The following PLEKHB2 variants were observed in gnomAD, a reference collection of about 807,000 sequenced individuals.
PLEKHB2 encodes pleckstrin homology domain containing B2, also known as pleckstrin homology domain-containing family B member 2.
In PLEKHB2, 31 loss-of-function variants were observed where a neutral mutation model predicts 36.5. That is an observed-to-expected ratio of 0.85 (90% CI 0.64 to 1.15). The LOEUF (loss-of-function observed/expected upper bound fraction) is 1.15. Ranked by LOEUF, PLEKHB2 falls within the 50% of genes most tolerant of loss-of-function variation. PLEKHB2 has a pLI of 0.00. For synonymous variants in PLEKHB2, 119 were observed against 112.0 expected, an observed-to-expected ratio of 1.06 and a Z score of -0.39; for missense variants, 262 against 295.3, an observed-to-expected ratio of 0.89 and a Z score of 0.83.
chr2:131,116,330 T>C lies in PLEKHB2; in HGVS notation c.-8-4604T>C, dbSNP rs192345194. Among the ~76,000 whole-genome samples, 61 of 152,330 alleles carry C rather than the reference T, an allele frequency of 4.0e-4. No individual in the cohort carries two copies. In the East Asian group the frequency reaches 7.5e-3, roughly 19 times the overall value. On this transcript the variant is annotated intron_variant, in intron 1 of 7. Coordinates refer to ENST00000693505, the MANE Select transcript of PLEKHB2 (RefSeq NM_001100623.2). ...CCTGAAAAGTAAGAGAAACCCAGGC[T>C]AACCTCAAGGAAACACCAGAGAAAA...
chr2:131,130,906 C>T (rs1697608596), intron 5 of PLEKHB2, 146 bp downstream of exon 5: 2 of 638,220 alleles, frequency 3.1e-6, no homozygotes, highest in Non-Finnish European at 5.5e-6. Flanking sequence ...TCAGCCTCCC[C>T]TTCCCAGTAG....
intron 2 of PLEKHB2, among the ~76,000 whole-genome samples, chr2:131,121,334 C>T (rs1397299507): frequency 2.6e-5 from 4 of 152,172 alleles, no homozygotes; most frequent in Non-Finnish European, 5.9e-5. Flanking sequence ...CCGCAGCCTC[C>T]GCTTCCTGGG....
At chr2:131,116,770 C>A (rs1257724108) in intron 1 of PLEKHB2, among the ~76,000 whole-genome samples, 1 of 152,174 alleles carries the variant, frequency 6.6e-6, no homozygotes, top group Non-Finnish European at 1.5e-5. Flanking sequence ...ACAATTAGTA[C>A]ATAATACTCC....
rs1696780168 is a variant in PLEKHB2, at chr2:131,123,766, A to ACTCCCCC, written c.38-1986_38-1985insTCCCCCC. Among the ~76,000 whole-genome samples, 16 of 11,530 alleles carry ACTCCCCC rather than the reference A, an allele frequency of 1.4e-3. 1 individual carries two copies. The highest frequency in any genetic ancestry group is 4.5e-3 in the African/African-American group (14 of 3,120). 7.6% of individuals were successfully genotyped at this position (11,530 alleles called of 152,430 possible). A position where few individuals can be genotyped will look rare whatever the true frequency, so the allele number is the denominator to read the frequency against. On this transcript the variant is annotated intron_variant, in intron 2 of 7. Transcript: ENST00000693505. ...TCTTGAACTTCTGACCTCCTGGTCC[A>ACTCCCCC]CCCCCCCCACCCCCCCCCCCGCCCC...
At chr2:131,125,928 A>T in intron 3 of PLEKHB2, 23 bp downstream of exon 3, 2 of 1,606,668 alleles carry the variant, frequency 1.2e-6, no homozygotes, top group African/African-American at 2.7e-5. Context: ...GTCTTGGCCA[A>T]CTTCTGTCTT....
chr2:131,118,645 C>T (rs1275166009), intron 1 of PLEKHB2, among the ~76,000 whole-genome samples: 1 of 151,646 alleles, frequency 6.6e-6, no homozygotes, highest in East Asian at 1.9e-4. Context: ...GTGGGCATAT[C>T]ACGAGGTCAG....
chr2:131,146,578 C>T (rs531961502), intron 7 of PLEKHB2, 59 bp from the exon 8 acceptor site: 46 of 1,531,918 alleles, frequency 3.0e-5, no homozygotes, highest in East Asian at 4.7e-5. Flanking sequence ...TGGTACTTTG[C>T]GTGATGTTAA....
chr2:131,123,272 A>C (rs1180842843), intron 2 of PLEKHB2, among the ~76,000 whole-genome samples: 1 of 152,216 alleles, frequency 6.6e-6, no homozygotes, highest in Non-Finnish European at 1.5e-5. Flanking sequence ...AAACGAGGTG[A>C]GATACATTAT....
intron 1 of PLEKHB2, among the ~76,000 whole-genome samples, chr2:131,115,037 A>G (rs1695713865): frequency 6.6e-6 from 1 of 152,200 alleles, no homozygotes; most frequent in African/African-American, 2.4e-5. Flanking sequence ...TTTATAAAGG[A>G]AGGAGGTTTA....
intron 1 of PLEKHB2, chr2:131,120,486 T>C (rs1221576123): frequency 1.2e-5 from 2 of 165,080 alleles, no homozygotes; most frequent in African/African-American, 4.8e-5. Flanking sequence ...TTGATGACTT[T>C]TGTTTTTTTG....
chr2:131,118,196 C>T (rs1024080602), intron 1 of PLEKHB2, among the ~76,000 whole-genome samples: 1 of 152,040 alleles, frequency 6.6e-6, no homozygotes, highest in Non-Finnish European at 1.5e-5. Flanking sequence ...CAGTGTGCTT[C>T]CCTGTTAACA....
intron 1 of PLEKHB2, among the ~76,000 whole-genome samples, chr2:131,112,872 G>A (rs985012479): frequency 1.3e-5 from 2 of 152,024 alleles, no homozygotes; most frequent in African/African-American, 4.8e-5. Flanking sequence ...AAATTTTGCC[G>A]GCTTTATGTT....
intron 6 of PLEKHB2, among the ~76,000 whole-genome samples, chr2:131,138,406 C>T (rs1216594801): frequency 1.3e-5 from 2 of 152,108 alleles, no homozygotes; most frequent in Non-Finnish European, 2.9e-5. Context: ...TGTCTTTTCT[C>T]ATTTAGTTGA....
chr2:131,110,231 C>A (rs1318392108), intron 1 of PLEKHB2, among the ~76,000 whole-genome samples: 1 of 152,058 alleles, frequency 6.6e-6, no homozygotes, highest in Non-Finnish European at 1.5e-5. Context: ...ACTCTTCAAT[C>A]CACCAGTGAG....
intron 7 of PLEKHB2, among the ~76,000 whole-genome samples, chr2:131,142,080 C>T (rs1268564045): frequency 2.6e-5 from 4 of 152,208 alleles, no homozygotes; most frequent in South Asian, 2.1e-4. Flanking sequence ...CCCACACCCC[C>T]TCTCACTCTG....
chr2:131,138,060 T>A (rs1192892932), intron 6 of PLEKHB2, among the ~76,000 whole-genome samples: 1 of 151,132 alleles, frequency 6.6e-6, no homozygotes, highest in Non-Finnish European at 1.5e-5. Context: ...GTTCCTCTGT[T>A]GTGCTCTGAT....
At chr2:131,105,659 T>C (rs1694628227) in intron 1 of PLEKHB2, among the ~76,000 whole-genome samples, 1 of 151,910 alleles carries the variant, frequency 6.6e-6, no homozygotes, top group Non-Finnish European at 1.5e-5. Flanking sequence ...GCCCTCCCAG[T>C]GGGCCCCCCC....
chr2:131,136,175 C>T (rs1259447757), intron 6 of PLEKHB2, among the ~76,000 whole-genome samples: 1 of 130,372 alleles, frequency 7.7e-6, no homozygotes, highest in African/African-American at 3.0e-5. Context: ...CTCCCTCCCT[C>T]CCTCCCTCTC....
chr2:131,141,411 G>A (rs1043403414), intron 7 of PLEKHB2, among the ~76,000 whole-genome samples: 90 of 152,016 alleles, frequency 5.9e-4, no homozygotes, highest in African/African-American at 2.1e-3. Flanking sequence ...AGGCTGAGGC[G>A]GGTGGATCAT....
Sources: allele counts gnomAD v4.1 joint callset (sites outside exome capture counted in the v4.1 genomes callset), GRCh38; gene constraint gnomAD v4.1.1; transcripts MANE v1.5; gene names NCBI Gene and HGNC (gene_info 2026-07-23, HGNC 2026-07-21).